ATP7B: variants seen among roughly 807,000 people sequenced by gnomAD.
ATP7B encodes copper-transporting ATPase 2.
Under a neutral mutation model 118.9 loss-of-function variants are expected in ATP7B, and 113 were observed. That is an observed-to-expected ratio of 0.95 (90% CI 0.82 to 1.11). The LOEUF is 1.11. ATP7B is among the 50% of genes most tolerant of loss of function. The pLI, the probability that ATP7B is intolerant of heterozygous loss-of-function variation, is 0.00. For missense variants in ATP7B, 1,867 were observed against 1,871.4 expected (o/e 1.00, Z 0.04); for synonymous variants, 777 against 727.4 (o/e 1.07, Z -1.10).
chr13:51,968,154 C>T (rs1380609476), intron 4 of ATP7B, among the ~76,000 whole-genome samples: 1 of 152,152 alleles, frequency 6.6e-6, no homozygotes, highest in Non-Finnish European at 1.5e-5. Context: ...GGCAGTCCAC[C>T]GTCTTTAATT....
intron 8 of ATP7B, chr13:51,957,971 G>A: frequency 2.2e-6 from 1 of 462,074 alleles, no homozygotes; most frequent in Non-Finnish European, 4.0e-6. Context: ...TGTTAAAAAT[G>A]GCATGACCTT....
chr13:51,960,034 A>C, intron 7 of ATP7B, 114 bp downstream of exon 7: 1 of 1,387,064 alleles, frequency 7.2e-7, no homozygotes, highest in East Asian at 2.3e-5. Flanking sequence ...GGAAAGCTGC[A>C]ATAAAGTGCC....
intron 7 of ATP7B, chr13:51,959,825 A>G: frequency 2.6e-6 from 1 of 392,092 alleles, no homozygotes; most frequent in Non-Finnish European, 4.8e-6. Context: ...AACCTAAACA[A>G]TATGCACATT....
At chr13:51,935,535 G>A in intron 20 of ATP7B, 58 bp downstream of exon 20, 1 of 1,516,186 alleles carries the variant, frequency 6.6e-7, no homozygotes, top group Non-Finnish European at 9.1e-7. Flanking sequence ...TGCTAAGCAT[G>A]CAGAATGACA....
In ATP7B at chr13:52,011,313, T is replaced by C; in HGVS notation, c.25A>G (p.Thr9Ala). 3 of 1,614,212 alleles carry C rather than the reference T, an allele frequency of 1.9e-6. No individual in the cohort carries two copies. The highest frequency in any genetic ancestry group is 8.5e-7 in the Non-Finnish European group (1 of 1,180,004). Reference sequence around the variant, plus strand: ...TTCCGACTGGCCCCTTCTCTGGCTGTGATCTGTCTCTCCTGCTCAGGCATC... The same window carrying C: ...TTCCGACTGGCCCCTTCTCTGGCTGCGATCTGTCTCTCCTGCTCAGGCATC... MPEQERQI[T>A]AREGASRKIL... is the part of the protein sequence containing the mutation. Residue 9 changes from threonine (T) to alanine (A), a missense_variant, in exon 1 of 21, where the codon ACA becomes GCA. Transcript: ENST00000242839.
At chr13:52,009,047 C>A (rs1220491701) in intron 1 of ATP7B, among the ~76,000 whole-genome samples, 7 of 148,164 alleles carry the variant, frequency 4.7e-5, no homozygotes, top group African/African-American at 1.7e-4. Context: ...GCTAATTTTT[C>A]TTTTTTTTTT....
intron 1 of ATP7B, among the ~76,000 whole-genome samples, chr13:51,987,632 C>T (rs144924541): frequency 0.013 from 1,954 of 152,064 alleles, 47 homozygotes; most frequent in African/African-American, 0.045. Context: ...AGAACAAAGC[C>T]GGAGGCATCA....
At chr13:51,994,880 T>C (rs1431196945) in intron 1 of ATP7B, among the ~76,000 whole-genome samples, 1 of 152,246 alleles carries the variant, frequency 6.6e-6, no homozygotes, top group Non-Finnish European at 1.5e-5. Context: ...CAAAACGTTA[T>C]ACTGTCTTAC....
At chr13:51,956,170 A>C (rs1958335059) in intron 9 of ATP7B, among the ~76,000 whole-genome samples, 1 of 152,186 alleles carries the variant, frequency 6.6e-6, no homozygotes, top group African/African-American at 2.4e-5. Context: ...ATCCAGAACA[A>C]AACCAGTGCC....
upstream of ATP7B, chr13:52,011,560 C>T (rs2140779244): frequency 1.6e-6 from 1 of 633,564 alleles, no homozygotes; most frequent in Non-Finnish European, 2.8e-6. Flanking sequence ...AAGTTGCGCG[C>T]CGCCGTCCTC....
intron 5 of ATP7B, among the ~76,000 whole-genome samples, chr13:51,963,234 T>C (rs958413955): frequency 5.9e-5 from 9 of 152,218 alleles, no homozygotes; most frequent in African/African-American, 2.2e-4. Context: ...CTTTAAGATT[T>C]GTGGTGTACT....
chr13:51,944,373 C>A (rs1957526237), intron 13 of ATP7B, 82 bp from the exon 14 acceptor site: 2 of 1,548,088 alleles, frequency 1.3e-6, no homozygotes, highest in South Asian at 2.3e-5. Flanking sequence ...AGAACTTCAC[C>A]CAACCTGCCT....
upstream of ATP7B, chr13:52,011,599 T>C: frequency 5.1e-6 from 3 of 592,242 alleles, no homozygotes; most frequent in South Asian, 5.6e-5. Context: ...GATGAGAGCG[T>C]GAGGGGAGAG....
intron 12 of ATP7B, among the ~76,000 whole-genome samples, chr13:51,946,790 A>C (rs1316090425): frequency 6.6e-6 from 1 of 152,260 alleles, no homozygotes; most frequent in Non-Finnish European, 1.5e-5. Flanking sequence ...TGGTTTCCTC[A>C]TACACAAAAT....
rs376318728 is a variant in ATP7B at position 51,960,144 on chromosome 13, A to G, written c.2121+4T>C. 6.8e-6 allele frequency: 11 copies of G among 1,613,296 alleles called. No homozygotes were observed. Among genetic ancestry groups the G allele is most frequent in the Non-Finnish European group, 9.3e-6 (11 of 1,179,344 alleles). On this transcript the variant is annotated splice_donor_region_variant and intron_variant, in intron 7 of 20. Transcript: ENST00000242839. ...GAGAGGTCTGCCCACTTTCTCATAT[A>G]TACCTGGACAAAGGTACACAAGATA...
intron 1 of ATP7B, among the ~76,000 whole-genome samples, chr13:51,988,246 A>C (rs1231183440): frequency 6.6e-6 from 1 of 152,222 alleles, no homozygotes; most frequent in Admixed American, 6.5e-5. Flanking sequence ...AAGTGGGTGA[A>C]GATTATGAAC....
intron 1 of ATP7B, among the ~76,000 whole-genome samples, chr13:51,992,752 T>C (rs1405007921): frequency 6.6e-6 from 1 of 151,388 alleles, no homozygotes; most frequent in Non-Finnish European, 1.5e-5. Flanking sequence ...CTGAGGTGAG[T>C]GGATCACTTG....
chr13:51,945,747 G>A (rs899411930), intron 13 of ATP7B, among the ~76,000 whole-genome samples: 5 of 152,182 alleles, frequency 3.3e-5, no homozygotes, highest in Non-Finnish European at 7.3e-5. Flanking sequence ...CCCAGTGCAG[G>A]GCTCACACGC....
chr13:51,956,461 G>A (rs373866920), intron 9 of ATP7B, among the ~76,000 whole-genome samples: 8 of 152,200 alleles, frequency 5.3e-5, no homozygotes, highest in African/African-American at 1.2e-4. Context: ...GCATGACATC[G>A]GAGGATAAGA....
Sources: gnomAD v4.1 joint callset for allele counts (sites outside exome capture counted in the v4.1 genomes callset) on GRCh38, gnomAD v4.1.1 for gene constraint, MANE v1.5 for transcripts, NCBI Gene and HGNC (gene_info 2026-07-23, HGNC 2026-07-21) for gene names.